The following EXOC6B variants were observed in gnomAD, a reference collection of about 807,000 sequenced individuals.
EXOC6B encodes the protein SEC15 homolog B.
In EXOC6B, 54 loss-of-function variants were observed where a neutral mutation model predicts 113.5. The observed-to-expected ratio is 0.48, with a 90% CI of 0.38 to 0.60. The LOEUF (loss-of-function observed/expected upper bound fraction) is 0.60, where lower values mean the gene tolerates loss of function less well. Ranked by LOEUF, EXOC6B falls within the 20% of genes least tolerant of loss-of-function variation. The pLI is 0.00. For missense variants in EXOC6B, 797 were observed against 977.5 expected (o/e 0.82, Z 2.46); for synonymous variants, 357 against 339.0 (o/e 1.05, Z -0.58).
chr2:72,400,155 C>T (rs1693042805), intron 18 of EXOC6B, among the ~76,000 whole-genome samples: 1 of 152,082 alleles, frequency 6.6e-6, no homozygotes. Context: ...TGATCTTCAA[C>T]AAACTCAACA....
chr2:72,263,889 C>A (rs959478942), intron 20 of EXOC6B, among the ~76,000 whole-genome samples: 3 of 152,174 alleles, frequency 2.0e-5, no homozygotes, highest in African/African-American at 7.2e-5. Context: ...CTGCTACAGG[C>A]ACTATAGTAA....
chr2:72,353,102 GA>G (rs1268359509), intron 19 of EXOC6B, among the ~76,000 whole-genome samples: 2 of 152,162 alleles, frequency 1.3e-5, no homozygotes, highest in Non-Finnish European at 2.9e-5. Flanking sequence ...CAAATGGCTT[GA>G]AGGAAGGAGG....
At chr2:72,597,977 A>AATT (rs1009571565) in intron 6 of EXOC6B, among the ~76,000 whole-genome samples, 21 of 151,980 alleles carry the variant, frequency 1.4e-4, no homozygotes, top group South Asian at 4.2e-4. Context: ...AAAACAACAA[A>AATT]ATTATTATTA....
intron 20 of EXOC6B, among the ~76,000 whole-genome samples, chr2:72,241,296 C>A (rs1375786176): frequency 6.6e-6 from 1 of 151,962 alleles, no homozygotes; most frequent in Non-Finnish European, 1.5e-5. Context: ...TGAGCTTGAA[C>A]AAATGTCAAT....
chr2:72,368,591 T>A (rs953099712), intron 19 of EXOC6B, among the ~76,000 whole-genome samples: 4 of 152,158 alleles, frequency 2.6e-5, no homozygotes, highest in Non-Finnish European at 5.9e-5. Flanking sequence ...ATATCCCTGA[T>A]GAACATCGAT....
intron 17 of EXOC6B, among the ~76,000 whole-genome samples, chr2:72,475,333 A>G (rs537245520): frequency 3.9e-4 from 60 of 152,320 alleles, no homozygotes; most frequent in African/African-American, 1.2e-3. Flanking sequence ...TGGCAGTGGC[A>G]GAAACATCCT....
intron 20 of EXOC6B, among the ~76,000 whole-genome samples, chr2:72,261,090 G>A (rs1683684669): frequency 6.6e-6 from 1 of 152,048 alleles, no homozygotes. Context: ...AAAGAAAAAA[G>A]TAATCACTCC....
chr2:72,648,155 T>C (rs1673880493), intron 6 of EXOC6B, among the ~76,000 whole-genome samples: 3 of 152,228 alleles, frequency 2.0e-5, no homozygotes, highest in Non-Finnish European at 4.4e-5. Flanking sequence ...AAGACATTTA[T>C]GCAGCCAACA....
At chr2:72,481,055 C>T (rs772845987) in intron 16 of EXOC6B, among the ~76,000 whole-genome samples, 1 of 152,134 alleles carries the variant, frequency 6.6e-6, no homozygotes. Context: ...ATGCTATTCT[C>T]GTGATAGTGA....
intron 14 of EXOC6B, 118 bp downstream of exon 14, chr2:72,496,336 T>C (rs760023224): frequency 6.8e-6 from 4 of 585,048 alleles, no homozygotes; most frequent in Non-Finnish European, 1.2e-5. Flanking sequence ...CCTTTGAAAT[T>C]GTTTTAGAGT....
At chr2:72,448,297 CT>C (rs1032212658) in intron 18 of EXOC6B, among the ~76,000 whole-genome samples, 2 of 152,108 alleles carry the variant, frequency 1.3e-5, no homozygotes, top group African/African-American at 4.8e-5. Context: ...TCCTCTTCAT[CT>C]TTTTGAAGAA....
At chr2:72,728,618 CCAG>C (rs1680454472) in intron 5 of EXOC6B, among the ~76,000 whole-genome samples, 1 of 152,130 alleles carries the variant, frequency 6.6e-6, no homozygotes, top group Non-Finnish European at 1.5e-5. Flanking sequence ...AGGGACTCAA[CCAG>C]CATCTTGGAG....
At chr2:72,315,987 CTACTT>C (rs1364246128) in intron 20 of EXOC6B, among the ~76,000 whole-genome samples, 2 of 152,146 alleles carry the variant, frequency 1.3e-5, no homozygotes, top group Non-Finnish European at 2.9e-5. Flanking sequence ...TATTTGTAGA[CTACTT>C]TAGAAGTCAC....
At position 72,179,444 on chromosome 2, in the gene EXOC6B, C is replaced by A. The variant is rs767404567; in HGVS notation, c.2327G>T (p.Arg776Leu). Reference protein sequence around the residue: ...TLLEKMKDTSRKNNMFAQFRK... With the variant: ...TLLEKMKDTSLKNNMFAQFRK... ...AAACTGTGCAAACATGTTGTTCTTGCGGCTAGTATCCTTCATCCTAAACAG... is the reference window on the plus strand; with the variant it reads ...AAACTGTGCAAACATGTTGTTCTTGAGGCTAGTATCCTTCATCCTAAACAG... The change falls in exon 22 of 22, where the codon CGC becomes CTC. Residue 776 changes from arginine to leucine, a missense_variant. Physicochemically the swap from Arg to Leu is moderately radical, Grantham distance 102. Transcript: ENST00000272427. 34 of 1,613,688 alleles carry A rather than the reference C, an allele frequency of 2.1e-5. No individual in the cohort carries two copies. Among genetic ancestry groups the A allele is most frequent in the Non-Finnish European group, 2.7e-5 (32 of 1,179,870 alleles).
chr2:72,422,747 C>T (rs1694971707), intron 18 of EXOC6B, among the ~76,000 whole-genome samples: 1 of 152,056 alleles, frequency 6.6e-6, no homozygotes, highest in Admixed American at 6.6e-5. Flanking sequence ...GTGAGTGCAC[C>T]AATCGACACT....
chr2:72,790,110 AT>A (rs1482088051), intron 1 of EXOC6B, among the ~76,000 whole-genome samples: 3 of 152,216 alleles, frequency 2.0e-5, no homozygotes, highest in African/African-American at 7.2e-5. Flanking sequence ...GCAGCCATAA[AT>A]CCCCATGCTA....
chr2:72,823,657 C>T (rs747683677), intron 1 of EXOC6B, among the ~76,000 whole-genome samples: 2 of 151,456 alleles, frequency 1.3e-5, no homozygotes, highest in African/African-American at 2.4e-5. Flanking sequence ...TGGTGGCGAA[C>T]GCCTGTAGTC....
At chr2:72,449,457 C>G (rs1201000380) in intron 18 of EXOC6B, among the ~76,000 whole-genome samples, 1 of 151,508 alleles carries the variant, frequency 6.6e-6, no homozygotes, top group Non-Finnish European at 1.5e-5. Context: ...AAGCGTGAGC[C>G]ACCGCGCCTG....
At chr2:72,480,803 A>G in intron 16 of EXOC6B, 53 bp from the exon 17 acceptor site, 1 of 1,534,830 alleles carries the variant, frequency 6.5e-7, no homozygotes. Context: ...CCCCAGGATG[A>G]ATGGCTCAAT....
Sources: allele counts gnomAD v4.1 joint callset (sites outside exome capture counted in the v4.1 genomes callset), GRCh38; gene constraint gnomAD v4.1.1; transcripts MANE v1.5; gene names NCBI Gene and HGNC (gene_info 2026-07-23, HGNC 2026-07-21).